CLEC9A: variants seen among roughly 807,000 people sequenced by gnomAD.
CLEC9A encodes C-type lectin domain family 9 member A.
CLEC9A carries 24 observed loss-of-function variants against 30.0 expected under a neutral mutation model. The observed-to-expected ratio is 0.80, with a 90% confidence interval of 0.58 to 1.13. The LOEUF (loss-of-function observed/expected upper bound fraction) is 1.13, where lower values mean the gene tolerates loss of function less well. Ranked by LOEUF, CLEC9A falls within the 50% of genes most tolerant of loss-of-function variation. The pLI, the probability that CLEC9A is intolerant of heterozygous loss-of-function variation, is 0.00. For synonymous variants in CLEC9A, 111 were observed against 96.8 expected (o/e 1.15, Z -0.86); for missense variants, 251 against 280.9 (o/e 0.89, Z 0.76).
chr12:10,032,004 G>T (rs1207663918), intron 1 of CLEC9A, among the ~76,000 whole-genome samples: 1 of 152,088 alleles, frequency 6.6e-6, no homozygotes, highest in Non-Finnish European at 1.5e-5. Flanking sequence ...TGTTGCAGAT[G>T]CTCAATGTCA....
At chr12:10,038,472 C>G (rs914730524) in intron 1 of CLEC9A, among the ~76,000 whole-genome samples, 1 of 152,088 alleles carries the variant, frequency 6.6e-6, no homozygotes, top group Non-Finnish European at 1.5e-5. Flanking sequence ...GCCACTATAA[C>G]CCACATAGTT....
chr12:10,065,460 T>G, intron 8 of CLEC9A, 40 bp from the exon 9 acceptor site: 1 of 1,610,810 alleles, frequency 6.2e-7, no homozygotes, highest in South Asian at 1.1e-5. Flanking sequence ...TTTCTGAAAC[T>G]CCCAAGTCTA....
chr12:10,042,182 A>G (rs1053227036), intron 2 of CLEC9A, among the ~76,000 whole-genome samples: 1 of 152,234 alleles, frequency 6.6e-6, no homozygotes, highest in African/African-American at 2.4e-5. Context: ...GGTATAGTTG[A>G]ATTTCAAGTA....
At position 10,041,487 on chromosome 12, in the gene CLEC9A, G is replaced by T; in HGVS notation, c.-296G>T. The T allele has an allele frequency of 2.2e-6, 1 of 452,334 alleles. No individual in the cohort carries two copies. Among genetic ancestry groups the T allele is most frequent in the Admixed American group, 2.8e-5 (1 of 36,134 alleles). 28.0% of individuals were successfully genotyped at this position (452,334 alleles called of 1,614,324 possible). On this transcript the variant is annotated 5_prime_UTR_variant, in exon 2 of 9. Coordinates refer to ENST00000355819, the MANE Select transcript of CLEC9A (RefSeq NM_207345.4). ...CCAGGTGACTATAAACGCAGCCCCT[G>T]TGATGCCAACTGGACATATTATGGA...
intron 1 of CLEC9A, among the ~76,000 whole-genome samples, chr12:10,037,537 C>T (rs918479465): frequency 1.3e-5 from 2 of 152,216 alleles, no homozygotes; most frequent in East Asian, 1.9e-4. Flanking sequence ...CACACGCACC[C>T]GCACTCACTC....
intron 1 of CLEC9A, among the ~76,000 whole-genome samples, chr12:10,037,744 A>G (rs1865755749): frequency 6.6e-6 from 1 of 152,216 alleles, no homozygotes; most frequent in African/African-American, 2.4e-5. Context: ...GATGTTACTC[A>G]AGAACCTGCT....
chr12:10,063,871 G>A (rs1319190906), intron 7 of CLEC9A, among the ~76,000 whole-genome samples: 1 of 152,134 alleles, frequency 6.6e-6, no homozygotes, highest in African/African-American at 2.4e-5. Context: ...AGGCTGGGAT[G>A]GTGGTGGGAG....
chr12:10,038,151 T>C (rs1865759397), intron 1 of CLEC9A, among the ~76,000 whole-genome samples: 1 of 152,250 alleles, frequency 6.6e-6, no homozygotes, highest in African/African-American at 2.4e-5. Flanking sequence ...TTTTAATTTT[T>C]TTTAATTTGT....
intron 5 of CLEC9A, 83 bp downstream of exon 5, chr12:10,054,434 C>A: frequency 2.2e-6 from 2 of 890,122 alleles, no homozygotes; most frequent in South Asian, 3.3e-5. Context: ...AAAATCAATT[C>A]ATATGTGAAT....
At chr12:10,047,630 C>G (rs1865857667) in intron 2 of CLEC9A, among the ~76,000 whole-genome samples, 1 of 152,156 alleles carries the variant, frequency 6.6e-6, no homozygotes, top group Non-Finnish European at 1.5e-5. Context: ...TCCAGACCAC[C>G]ACAATAAAGC....
At chr12:10,060,285 A>G (rs1865985204) in intron 5 of CLEC9A, among the ~76,000 whole-genome samples, 2 of 152,228 alleles carry the variant, frequency 1.3e-5, no homozygotes, top group Admixed American at 1.3e-4. Flanking sequence ...TGTAATGACT[A>G]AAACCTGAAA....
chr12:10,049,952 A>C (rs1865878695), intron 2 of CLEC9A, among the ~76,000 whole-genome samples: 1 of 152,162 alleles, frequency 6.6e-6, no homozygotes, highest in Non-Finnish European at 1.5e-5. Context: ...CACTAAACTT[A>C]ATCATTTTTA....
intron 1 of CLEC9A, among the ~76,000 whole-genome samples, chr12:10,032,687 G>A (rs977696609): frequency 1.8e-4 from 28 of 151,912 alleles, no homozygotes; most frequent in Admixed American, 7.9e-4. Context: ...CACCGCGCCC[G>A]GCCAATAGGG....
At chr12:10,056,675 G>A (rs1046095487) in intron 5 of CLEC9A, among the ~76,000 whole-genome samples, 2 of 151,968 alleles carry the variant, frequency 1.3e-5, no homozygotes, top group African/African-American at 4.8e-5. Flanking sequence ...GTGACGATGA[G>A]GAGAAAAATA....
intron 2 of CLEC9A, among the ~76,000 whole-genome samples, chr12:10,045,158 C>T (rs1375921627): frequency 1.4e-4 from 21 of 152,184 alleles, no homozygotes; most frequent in Non-Finnish European, 2.5e-4. Context: ...TCCTGCCCTT[C>T]CATCAATACC....
intron 8 of CLEC9A, 53 bp from the exon 9 acceptor site, chr12:10,065,447 G>A: frequency 6.2e-7 from 1 of 1,605,338 alleles, no homozygotes; most frequent in Admixed American, 1.7e-5. Flanking sequence ...ACCCTCAGGA[G>A]CATTTCTGAA....
At chr12:10,051,588 G>A (rs985500680) in intron 2 of CLEC9A, among the ~76,000 whole-genome samples, 2 of 152,096 alleles carry the variant, frequency 1.3e-5, no homozygotes, top group Non-Finnish European at 2.9e-5. Context: ...GTTTCCTTCT[G>A]GGGGCCTGAT....
chr12:10,040,154 T>C (rs1865779674), intron 1 of CLEC9A, among the ~76,000 whole-genome samples: 1 of 152,142 alleles, frequency 6.6e-6, no homozygotes, highest in African/African-American at 2.4e-5. Context: ...TAACAAGAAA[T>C]TAGTATGCAT....
intron 1 of CLEC9A, among the ~76,000 whole-genome samples, chr12:10,039,812 C>CCTTA (rs1555150914): frequency 6.6e-6 from 1 of 151,854 alleles, no homozygotes; most frequent in Non-Finnish European, 1.5e-5. Flanking sequence ...ATCACAAGTA[C>CCTTA]TTTATTTATT....
Sources: allele counts gnomAD v4.1 joint callset (sites outside exome capture counted in the v4.1 genomes callset), GRCh38; gene constraint gnomAD v4.1.1; transcripts MANE v1.5; gene names NCBI Gene and HGNC (gene_info 2026-07-23, HGNC 2026-07-21).